METTL15: variants seen among roughly 807,000 people sequenced by gnomAD.
METTL15 encodes the protein methyltransferase 15, mitochondrial 12S rRNA N4-cytidine.
Under a neutral mutation model 38.3 loss-of-function variants are expected in METTL15, and 34 were observed. That is an observed-to-expected ratio of 0.89 (90% confidence interval 0.68 to 1.18). The LOEUF (loss-of-function observed/expected upper bound fraction) is 1.18. Ranked by LOEUF, METTL15 falls within the 50% of genes most tolerant of loss-of-function variation. The probability of loss-of-function intolerance (pLI) is 0.00; values close to 1 mark genes in which losing one functional copy is unlikely to be tolerated. For synonymous variants in METTL15, 162 were observed against 170.9 expected, an observed-to-expected ratio of 0.95 and a Z score of 0.41; for missense variants, 438 against 498.4, an observed-to-expected ratio of 0.88 and a Z score of 1.15.
At chr11:28,138,116 A>AT (rs71050944) in intron 3 of METTL15, among the ~76,000 whole-genome samples, 56,734 of 148,688 alleles carry the variant, frequency 0.38, 12,142 homozygotes, top group African/African-American at 0.6. Flanking sequence ...AAAACAAGGG[A>AT]TTTTTTTTTT....
chr11:28,416,247 G>A (rs1400345195), intron 5 of METTL15, among the ~76,000 whole-genome samples: 1 of 152,186 alleles, frequency 6.6e-6, no homozygotes, highest in Non-Finnish European at 1.5e-5. Context: ...TAGCCCACGT[G>A]TTCAAGCTCT....
At chr11:28,136,906 A>G (rs1849532736) in intron 3 of METTL15, among the ~76,000 whole-genome samples, 1 of 151,994 alleles carries the variant, frequency 6.6e-6, no homozygotes, top group Admixed American at 6.6e-5. Context: ...GATGACTTAA[A>G]AAAAAAAAAG....
chr11:28,247,792 T>C (rs1380801708), intron 4 of METTL15, among the ~76,000 whole-genome samples: 12 of 152,064 alleles, frequency 7.9e-5, no homozygotes, highest in Non-Finnish European at 1.3e-4. Flanking sequence ...CGTTACGAGA[T>C]TTTTTGCATT....
In METTL15 at chr11:28,318,705, T is replaced by A. The variant is rs574438311; in HGVS notation, c.779-11691T>A. ...GTATACAAGCTTGTTCTCCTCATCT[T>A]GCTTAACTGGAGAATATTAAGCACT... On this transcript the variant is annotated intron_variant, in intron 6 of 6. Transcript: ENST00000407364. 7.7e-3 allele frequency among the ~76,000 whole-genome samples: 1,175 copies of A among 152,326 alleles called. 67 individuals carry two copies. Among genetic ancestry groups the A allele is most frequent in the Admixed American group, 0.067 (1,025 of 15,294 alleles).
At chr11:28,112,792 G>A (rs1851772467) in intron 2 of METTL15, among the ~76,000 whole-genome samples, 1 of 151,974 alleles carries the variant, frequency 6.6e-6, no homozygotes. Context: ...TTATTTTTTG[G>A]ATGTGCATGC....
chr11:28,421,159 A>G lies in METTL15; in HGVS notation c.*359-3140A>G, dbSNP rs554694270. Among the ~76,000 whole-genome samples the G allele has an allele frequency of 2.6e-3, 403 of 152,170 alleles. 2 individuals are homozygous for G. The highest frequency in any genetic ancestry group is 4.8e-3 in the Non-Finnish European group (328 of 67,930). On this transcript the variant is annotated intron_variant and NMD_transcript_variant, in intron 5 of 7. Transcript: ENST00000532947. ...ACACACAGCCTACCAAGATTGAACC[A>G]TGAAGAAATCCAACACCGGAACAGA...
Position 28,148,328 on chromosome 11 carries a change from G to A in METTL15, c.270+34724G>A, listed in dbSNP as rs370229697. On this transcript the variant is annotated intron_variant, in intron 3 of 6. Coordinates refer to ENST00000407364, the MANE Select transcript of METTL15 (RefSeq NM_001113528.2). ...TATGGTAGCCTTATTTCCATGTTAC[G>A]CTGATTGCTTCAAAGGTACAACATT... is the stretch of plus-strand genomic sequence containing the variant. Among the ~76,000 whole-genome samples, 19 of 151,830 alleles carry A rather than the reference G, an allele frequency of 1.3e-4. No homozygotes were observed. The East Asian group carries it at 1.6e-3, about 12-fold the overall frequency.
chr11:28,127,435 A>G (rs1259418284), intron 3 of METTL15, among the ~76,000 whole-genome samples: 3 of 152,150 alleles, frequency 2.0e-5, no homozygotes, highest in Admixed American at 6.6e-5. Flanking sequence ...CAGATCCAGT[A>G]TCTGTTGAGG....
At chr11:28,415,796 A>G (rs1216238791) in intron 5 of METTL15, among the ~76,000 whole-genome samples, 1 of 152,220 alleles carries the variant, frequency 6.6e-6, no homozygotes, top group Non-Finnish European at 1.5e-5. Flanking sequence ...GAGCTGTAGT[A>G]GCCAGGATTC....
intron 4 of METTL15, among the ~76,000 whole-genome samples, chr11:28,239,402 C>G (rs1468147678): frequency 6.6e-6 from 1 of 152,220 alleles, no homozygotes; most frequent in Non-Finnish European, 1.5e-5. Context: ...CCCATTAACT[C>G]TACCTTCAAG....
At chr11:28,277,944 A>G (rs143581748) in intron 4 of METTL15, among the ~76,000 whole-genome samples, 2 of 152,284 alleles carry the variant, frequency 1.3e-5, no homozygotes, top group African/African-American at 4.8e-5. Context: ...TAAACGGTAC[A>G]AACATATAGT....
At chr11:28,268,521 A>G (rs1441446809) in intron 4 of METTL15, among the ~76,000 whole-genome samples, 4 of 152,118 alleles carry the variant, frequency 2.6e-5, no homozygotes, top group Non-Finnish European at 5.9e-5. Flanking sequence ...TCTCTTTAAG[A>G]TAACACTGAC....
chr11:28,232,822 C>T (rs767366976), intron 4 of METTL15, among the ~76,000 whole-genome samples: 2 of 151,918 alleles, frequency 1.3e-5, no homozygotes, highest in Admixed American at 1.3e-4. Context: ...CCTGGAATCT[C>T]AACAGCTACT....
chr11:28,196,702 T>G lies in METTL15; in HGVS notation c.271-14360T>G, dbSNP rs571749611. Among the ~76,000 whole-genome samples, 14 of 151,998 alleles carry G rather than the reference T, an allele frequency of 9.2e-5. No individual in the cohort carries two copies. In the South Asian group the frequency reaches 2.7e-3, roughly 29 times the overall value. On this transcript the variant is annotated intron_variant, in intron 3 of 6. Coordinates refer to ENST00000407364, the MANE Select transcript of METTL15 (RefSeq NM_001113528.2). The stretch of plus-strand genomic sequence containing the variant: ...TTTTTTTTAAAGGAGAAGACTGACA[T>G]AAGAACAAACAATTTTACTGTTAAA...
chr11:28,383,615 C>G (rs1400923648), intron 5 of METTL15, among the ~76,000 whole-genome samples: 1 of 152,158 alleles, frequency 6.6e-6, no homozygotes, highest in African/African-American at 2.4e-5. Flanking sequence ...TCTCCACAAT[C>G]TCACCAGCAT....
downstream of METTL15, among the ~76,000 whole-genome samples, chr11:28,336,521 G>T (rs922706671): frequency 6.6e-6 from 1 of 152,210 alleles, no homozygotes. Context: ...ATAAAAGTGT[G>T]TGTTGCAGGT....
intron 5 of METTL15, chr11:28,398,852 A>T (rs1260212907): frequency 6.6e-6 from 1 of 152,032 alleles, no homozygotes; most frequent in Non-Finnish European, 1.5e-5. Flanking sequence ...AAGAATCAAT[A>T]TTGTGAAAAT....
At chr11:28,162,320 G>T (rs533753557) in intron 3 of METTL15, among the ~76,000 whole-genome samples, 6 of 152,032 alleles carry the variant, frequency 3.9e-5, no homozygotes, top group Non-Finnish European at 2.9e-5. Flanking sequence ...ACATTGTCTT[G>T]GAAGGCTAAG....
intron 6 of METTL15, among the ~76,000 whole-genome samples, chr11:28,319,126 G>A (rs917836989): frequency 1.3e-5 from 2 of 152,122 alleles, no homozygotes; most frequent in African/African-American, 4.8e-5. Context: ...CCAAACTCTT[G>A]CAACTCGATG....
Sources: gnomAD v4.1 joint callset for allele counts (sites outside exome capture counted in the v4.1 genomes callset) on GRCh38, gnomAD v4.1.1 for gene constraint, MANE v1.5 for transcripts, NCBI Gene and HGNC (gene_info 2026-07-23, HGNC 2026-07-21) for gene names.